The following NEB variants were observed in gnomAD, a reference collection of about 807,000 sequenced individuals.
NEB encodes nemaline myopathy type 2.
In NEB, 512 loss-of-function variants were observed where a neutral mutation model predicts 952.2. The ratio of observed to expected loss-of-function variants is 0.54; its 90% CI spans 0.50 to 0.58. The LOEUF (loss-of-function observed/expected upper bound fraction) is 0.58. Ranked by LOEUF, NEB falls within the 20% of genes least tolerant of loss-of-function variation. The pLI is 0.00. For synonymous variants in NEB, 2,900 were observed against 3,149.8 expected (o/e 0.92, Z 2.66); for missense variants, 8,428 against 9,231.1 (o/e 0.91, Z 3.56).
chr2:151,636,659 C>T (rs1455181296), intron 63 of NEB, among the ~76,000 whole-genome samples: 2 of 152,020 alleles, frequency 1.3e-5, no homozygotes, highest in African/African-American at 4.8e-5. Context: ...TGCATGCCTG[C>T]AATCCCAGTT....
chr2:151,711,037 G>C (rs1168701075), intron 10 of NEB, among the ~76,000 whole-genome samples: 3 of 152,160 alleles, frequency 2.0e-5, no homozygotes, highest in Non-Finnish European at 4.4e-5. Context: ...GAACTGGAAA[G>C]TAATTCAAAA....
In NEB at chr2:151,547,663, C is replaced by G; in HGVS notation, c.20233G>C (p.Val6745Leu). The G allele has an allele frequency of 6.2e-7, 1 of 1,613,816 alleles. No homozygotes were observed. Among genetic ancestry groups the G allele is most frequent in the Non-Finnish European group, 8.5e-7 (1 of 1,179,812 alleles). Residue 6745 changes from valine (V) to leucine (L), a missense_variant, in exon 132 of 182, where the codon GTC becomes CTC. Physicochemically the swap from Val to Leu is conservative, Grantham distance 32. Transcript: ENST00000397345. Reference sequence around the variant, plus strand: ...CTGACAGCCTCTTGTGTCTTCTTGACTTGGCGGATCTCAGGGGTATCGGGA... The same window carrying G: ...CTGACAGCCTCTTGTGTCTTCTTGAGTTGGCGGATCTCAGGGGTATCGGGA... ...TTPDTPEIRQ[V>L]KKTQEAVSEL...
rs777231395 is a variant in NEB, at chr2:151,650,220, T to C, written c.7387A>G (p.Met2463Val). 1.2e-6 allele frequency: 2 copies of C among 1,613,958 alleles called. No homozygotes were observed. Among genetic ancestry groups the C allele is most frequent in the East Asian group, 2.2e-5 (1 of 44,876 alleles). ...RNKFTSIPDA[M>V]DIVLAKTNAK... is the part of the protein sequence containing the mutation. ...TTTGTCTTTGCCAGAACTATATCCA[T>C]GGCATCAGGAATGCTGGTGAACTTG... The change falls in exon 54 of 182, where the codon ATG becomes GTG. Residue 2463 changes from methionine to valine, a missense_variant. By Grantham distance (21) the Met-to-Val change is conservative. Around this residue, in one of 11 missense-constraint regions of NEB, gnomAD observed 1,772 missense variants for 1,960.3 expected, o/e 0.90. Coordinates refer to ENST00000397345, the MANE Select transcript of NEB (RefSeq NM_001164508.2).
intron 71 of NEB, among the ~76,000 whole-genome samples, chr2:151,622,787 A>C (rs1385099844): frequency 6.6e-6 from 1 of 152,210 alleles, no homozygotes; most frequent in African/African-American, 2.4e-5. Context: ...TTACTATCAA[A>C]TATACGGTGA....
At position 151,627,848 on chromosome 2, in the gene NEB, G is replaced by T; in HGVS notation, c.9832-14C>A. The T allele has an allele frequency of 1.3e-5, 20 of 1,597,858 alleles. No homozygotes were observed. The highest frequency in any genetic ancestry group is 1.7e-5 in the Non-Finnish European group (20 of 1,169,992). Reference sequence around the variant, plus strand: ...TTTGTATTTGTACTGAAATAAAGGTGGTCATTTCAAAAATAAAAATGAATA... The same window carrying T: ...TTTGTATTTGTACTGAAATAAAGGTTGTCATTTCAAAAATAAAAATGAATA... On this transcript the variant is annotated splice_polypyrimidine_tract_variant and intron_variant, in intron 68 of 181. Transcript: ENST00000397345.
At position 151,529,174 on chromosome 2, in the gene NEB, T is replaced by A. The variant is rs202232547; in HGVS notation, c.21735+36A>T. 1.1e-4 allele frequency: 148 copies of A among 1,403,036 alleles called. No individual in the cohort carries two copies. The East Asian group carries it at 3.3e-3, about 31-fold the overall frequency. The allele number at this position is 1,403,036 out of a possible 1,614,324, so 86.9% of individuals were successfully genotyped here. A position where few individuals can be genotyped will look rare whatever the true frequency, so the allele number is the denominator to read the frequency against. On this transcript the variant is annotated intron_variant, in intron 146 of 181. Coordinates refer to ENST00000397345, the MANE Select transcript of NEB (RefSeq NM_001164508.2). ...CATGTGTCCTACAGAAGCTGGTAAA[T>A]CCCCCACCATGCTTGGGGAAGTTTC...
chr2:151,553,315 G>T, intron 127 of NEB, 83 bp downstream of exon 127: 2 of 1,137,132 alleles, frequency 1.8e-6, no homozygotes, highest in Non-Finnish European at 2.6e-6. Context: ...CTGTGACAAT[G>T]TCCCTATTTT....
chr2:151,724,358 A>G lies in NEB; in HGVS notation c.514T>C (p.Tyr172His). The G allele has an allele frequency of 6.2e-7, 1 of 1,609,732 alleles. No homozygotes were observed. Among genetic ancestry groups the G allele is most frequent in the South Asian group, 1.1e-5 (1 of 90,108 alleles). ...TTGGTGTCTTCCCAGTTCTGCTTGTATAAAACCTAGACAGAAGGAGCAGAG... is the reference window on the plus strand; with the variant it reads ...TTGGTGTCTTCCCAGTTCTGCTTGTGTAAAACCTAGACAGAAGGAGCAGAG... Reference protein sequence around the residue: ...KVSQQVSKVLYKQNWEDTKDK... With the variant: ...KVSQQVSKVLHKQNWEDTKDK... The change falls in exon 8 of 182, where the codon TAC becomes CAC. Residue 172 changes from tyrosine (Y) to histidine (H), a missense_variant. Around this residue, in one of 11 missense-constraint regions of NEB, gnomAD observed 2,851 missense variants for 2,791.5 expected, o/e 1.02. Coordinates refer to ENST00000397345, the MANE Select transcript of NEB (RefSeq NM_001164508.2).
At position 151,534,146 on chromosome 2, in the gene NEB, G is replaced by A. The variant is rs916269451; in HGVS notation, c.21313-600C>T. 2.9e-5 allele frequency: 32 copies of A among 1,100,162 alleles called. No homozygotes were observed. In the South Asian group the frequency reaches 3.3e-4, roughly 11 times the overall value. 68.2% of individuals were successfully genotyped at this position (1,100,162 alleles called of 1,614,324 possible). ...AACCTATGACATCCTTGCAGCAGAC[G>A]GGATGACATCTCATGAGAAACTGGG... On this transcript the variant is annotated intron_variant, in intron 142 of 181. Coordinates refer to ENST00000397345, the MANE Select transcript of NEB (RefSeq NM_001164508.2).
intron 161 of NEB, among the ~76,000 whole-genome samples, chr2:151,512,495 G>A (rs1220666539): frequency 6.6e-6 from 1 of 151,932 alleles, no homozygotes; most frequent in Non-Finnish European, 1.5e-5. Flanking sequence ...GCCAATTTTT[G>A]TAGGGACAGG....
chr2:151,655,537 T>A (rs546787322), intron 50 of NEB, among the ~76,000 whole-genome samples, 163 bp from the exon 51 acceptor site: 2 of 150,530 alleles, frequency 1.3e-5, no homozygotes, highest in African/African-American at 2.4e-5. Context: ...AACTCAGATT[T>A]AAAAAAAAAA....
At chr2:151,508,486 C>G (rs2071157672) in intron 161 of NEB, among the ~76,000 whole-genome samples, 2 of 152,226 alleles carry the variant, frequency 1.3e-5, no homozygotes, top group South Asian at 4.1e-4. Flanking sequence ...TGTAGCCAGA[C>G]TGTTCAACAG....
intron 36 of NEB, among the ~76,000 whole-genome samples, chr2:151,673,054 A>G (rs1245214584): frequency 2.0e-5 from 3 of 152,232 alleles, no homozygotes; most frequent in African/African-American, 7.2e-5. Flanking sequence ...CATCACAAAT[A>G]TGAGTACCAG....
At chr2:151,668,771 T>G (rs1340687847) in intron 39 of NEB, among the ~76,000 whole-genome samples, 1 of 152,200 alleles carries the variant, frequency 6.6e-6, no homozygotes, top group Non-Finnish European at 1.5e-5. Flanking sequence ...TGTTCCATTT[T>G]TTTTTTAAAT....
At chr2:151,649,040 G>A (rs1308516887) in intron 54 of NEB, among the ~76,000 whole-genome samples, 1 of 151,976 alleles carries the variant, frequency 6.6e-6, no homozygotes, top group Non-Finnish European at 1.5e-5. Context: ...ATGATCTAGG[G>A]GTTCTCATTT....
intron 24 of NEB, among the ~76,000 whole-genome samples, chr2:151,688,859 G>A (rs2099523581): frequency 6.6e-6 from 1 of 152,158 alleles, no homozygotes; most frequent in African/African-American, 2.4e-5. Context: ...GACAAAGGGG[G>A]ATGGTGTGAG....
At chr2:151,633,587 A>G (rs2098708165) in intron 65 of NEB, 67 bp downstream of exon 65, 1 of 1,531,348 alleles carries the variant, frequency 6.5e-7, no homozygotes, top group Non-Finnish European at 8.8e-7. Flanking sequence ...GATTGTATAT[A>G]AAGGATAATT....
chr2:151,493,678 C>A, intron 175 of NEB, 97 bp downstream of exon 175: 1 of 1,047,578 alleles, frequency 9.5e-7, no homozygotes, highest in East Asian at 2.6e-5. Flanking sequence ...TAAAGATACA[C>A]AAAAGTTTTG....
intron 129 of NEB, among the ~76,000 whole-genome samples, chr2:151,550,514 G>C (rs1394983428): frequency 6.6e-6 from 1 of 152,178 alleles, no homozygotes; most frequent in Non-Finnish European, 1.5e-5. Context: ...GCCGTGAAGA[G>C]GTCAGGATGC....
Sources: allele counts gnomAD v4.1 joint callset (sites outside exome capture counted in the v4.1 genomes callset), GRCh38; gene constraint gnomAD v4.1.1; regional missense constraint gnomAD v4.1.1; transcripts MANE v1.5; gene names NCBI Gene and HGNC (gene_info 2026-07-23, HGNC 2026-07-21).